PSTPIP2: variants seen among roughly 807,000 people sequenced by gnomAD.
PSTPIP2 encodes proline-serine-threonine phosphatase-interacting protein 2.
In PSTPIP2, 33 loss-of-function variants were observed where a neutral mutation model predicts 63.3. The observed-to-expected ratio is 0.52, with a 90% confidence interval of 0.40 to 0.70. The LOEUF is 0.70. Ranked by LOEUF, PSTPIP2 falls within the 30% of genes least tolerant of loss-of-function variation. The pLI, the probability that PSTPIP2 is intolerant of heterozygous loss-of-function variation, is 0.00. For synonymous variants in PSTPIP2, 125 were observed against 132.7 expected, an observed-to-expected ratio of 0.94 and a Z score of 0.40; for missense variants, 312 against 400.7, an observed-to-expected ratio of 0.78 and a Z score of 1.89.
rs190743458 is a variant in PSTPIP2, at chr18:46,032,176, G to A, written c.135-7490C>T. ...CCACCATGTGCCAGGCATCGTACTAGGTGCTAAGAACACAGAGATGACTGA... is the reference window on the plus strand; with the variant it reads ...CCACCATGTGCCAGGCATCGTACTAAGTGCTAAGAACACAGAGATGACTGA... On this transcript the variant is annotated intron_variant, in intron 2 of 14. Transcript: ENST00000409746. 1.6e-3 allele frequency among the ~76,000 whole-genome samples: 242 copies of A among 152,298 alleles called. 2 individuals carry two copies. Among genetic ancestry groups the A allele is most frequent in the African/African-American group, 5.6e-3 (233 of 41,560 alleles).
intron 1 of PSTPIP2, among the ~76,000 whole-genome samples, chr18:46,059,162 G>A (rs1908895508): frequency 6.6e-6 from 1 of 151,514 alleles, no homozygotes; most frequent in Non-Finnish European, 1.5e-5. Flanking sequence ...TCAGCCTCCT[G>A]AGTAGCAGGG....
At chr18:46,062,783 G>C (rs1413223681) in intron 1 of PSTPIP2, among the ~76,000 whole-genome samples, 6 of 151,876 alleles carry the variant, frequency 4.0e-5, no homozygotes, top group African/African-American at 1.5e-4. Context: ...CCAAAGTGCT[G>C]GGATTACAGG....
At chr18:46,055,052 A>G (rs1306452394) in intron 1 of PSTPIP2, among the ~76,000 whole-genome samples, 1 of 152,178 alleles carries the variant, frequency 6.6e-6, no homozygotes, top group Admixed American at 6.5e-5. Flanking sequence ...ATTTTCAGCA[A>G]TTTGGCCAGT....
At chr18:45,987,135 A>G (rs7244712) in intron 14 of PSTPIP2, among the ~76,000 whole-genome samples, 36,855 of 152,150 alleles carry the variant, frequency 0.24, 6,428 homozygotes, top group African/African-American at 0.48. Flanking sequence ...CACTGTGCCC[A>G]GTCATTAGCT....
chr18:45,993,833 T>TC (rs1568209526), intron 9 of PSTPIP2, 130 bp from the exon 10 acceptor site: 1 of 753,290 alleles, frequency 1.3e-6, no homozygotes, highest in Non-Finnish European at 2.3e-6. Flanking sequence ...AGAATGCTTC[T>TC]CCCCCACCAC....
At chr18:45,996,293 C>T (rs1375250449) in intron 9 of PSTPIP2, among the ~76,000 whole-genome samples, 1 of 152,176 alleles carries the variant, frequency 6.6e-6, no homozygotes. Flanking sequence ...GTGGGGCAGG[C>T]GTGTCTGTCA....
chr18:45,985,413 C>G lies in PSTPIP2; in HGVS notation c.*46G>C. 6.2e-7 allele frequency: 1 copy of G among 1,612,792 alleles called. No homozygotes were observed. The highest frequency in any genetic ancestry group is 8.5e-7 in the Non-Finnish European group (1 of 1,179,468). ...GTCCTGCTGCTCTGGGTGCCCTTTC[C>G]ATATCACAGAAGCACTAGCCGGAAA... is the stretch of plus-strand genomic sequence containing the variant. On this transcript the variant is annotated 3_prime_UTR_variant, in exon 15 of 15. Transcript: ENST00000409746.
At chr18:46,047,625 G>A (rs562934839) in intron 1 of PSTPIP2, among the ~76,000 whole-genome samples, 1 of 152,304 alleles carries the variant, frequency 6.6e-6, no homozygotes, top group East Asian at 1.9e-4. Flanking sequence ...GGGAAACAGA[G>A]GTTGTGGTGA....
intron 10 of PSTPIP2, among the ~76,000 whole-genome samples, chr18:45,993,016 G>A (rs535945849): frequency 4.6e-5 from 7 of 152,270 alleles, no homozygotes; most frequent in Middle Eastern, 6.8e-3. Flanking sequence ...GTAAGCCACC[G>A]TGCCCAGCCT....
At chr18:46,053,231 T>C (rs563601229) in intron 1 of PSTPIP2, among the ~76,000 whole-genome samples, 7 of 152,312 alleles carry the variant, frequency 4.6e-5, no homozygotes, top group African/African-American at 1.4e-4. Flanking sequence ...GAGGTTTTTT[T>C]CCAAAGTTTT....
At chr18:46,029,249 T>C in intron 2 of PSTPIP2, 2 of 1,238,588 alleles carry the variant, frequency 1.6e-6, no homozygotes, top group Non-Finnish European at 2.4e-6. Flanking sequence ...GCTTTGAAGA[T>C]GTCTCCCCAG....
chr18:46,064,931 G>A (rs1213563393), intron 1 of PSTPIP2, among the ~76,000 whole-genome samples: 2 of 151,896 alleles, frequency 1.3e-5, no homozygotes, highest in African/African-American at 4.8e-5. Context: ...GATCACCTGA[G>A]GTCAGGGGTT....
chr18:46,065,144 CAAAAAAAAAAAAAA>C (rs35144990), intron 1 of PSTPIP2, among the ~76,000 whole-genome samples: 1 of 80,798 alleles, frequency 1.2e-5, no homozygotes, highest in Non-Finnish European at 2.5e-5. Flanking sequence ...AACTCTGTCT[CAAAAAAAAAAAAAA>C]AAAAAAGAAA....
chr18:46,050,480 G>C (rs1908548802), intron 1 of PSTPIP2, among the ~76,000 whole-genome samples: 1 of 152,170 alleles, frequency 6.6e-6, no homozygotes, highest in African/African-American at 2.4e-5. Flanking sequence ...GCTAAGGTGA[G>C]AGGTCGAGGC....
At chr18:46,011,356 A>T in intron 4 of PSTPIP2, 69 bp from the exon 5 acceptor site, 1 of 1,228,676 alleles carries the variant, frequency 8.1e-7, no homozygotes, top group Non-Finnish European at 1.2e-6. Context: ...AAAATCATAC[A>T]AAATAAATAT....
At chr18:46,032,631 G>C (rs1338081993) in intron 2 of PSTPIP2, among the ~76,000 whole-genome samples, 3 of 151,710 alleles carry the variant, frequency 2.0e-5, no homozygotes, top group African/African-American at 7.3e-5. Flanking sequence ...GTGTGCACCT[G>C]TCATCCCAGC....
chr18:46,025,857 C>T (rs368142860), intron 2 of PSTPIP2, among the ~76,000 whole-genome samples: 6 of 152,256 alleles, frequency 3.9e-5, no homozygotes, highest in South Asian at 2.1e-4. Flanking sequence ...CGGGTTCAAG[C>T]GATTCTCCTG....
chr18:46,022,175 C>T (rs1907388385), intron 3 of PSTPIP2, among the ~76,000 whole-genome samples: 1 of 151,900 alleles, frequency 6.6e-6, no homozygotes, highest in Non-Finnish European at 1.5e-5. Flanking sequence ...CTGAGGGTAA[C>T]AAGATTTTTA....
chr18:45,994,140 T>C lies in PSTPIP2; in HGVS notation c.643-437A>G, dbSNP rs113320974. Among the ~76,000 whole-genome samples the C allele has an allele frequency of 9.0e-4, 137 of 152,300 alleles. 1 individual carries two copies. In the Middle Eastern group the frequency reaches 0.014, roughly 15 times the overall value. Reference sequence around the variant, plus strand: ...ATGAGTACATGGGAGGCCGTGTACTTGTCTTCTGTCTTTGTGTATGTTTAA... The same window carrying C: ...ATGAGTACATGGGAGGCCGTGTACTCGTCTTCTGTCTTTGTGTATGTTTAA... On this transcript the variant is annotated intron_variant, in intron 9 of 14. Transcript: ENST00000409746.
Sources: allele counts gnomAD v4.1 joint callset (sites outside exome capture counted in the v4.1 genomes callset), GRCh38; gene constraint gnomAD v4.1.1; transcripts MANE v1.5; gene names NCBI Gene and HGNC (gene_info 2026-07-23, HGNC 2026-07-21).